ZC3H18: variants seen among roughly 807,000 people sequenced by gnomAD.
ZC3H18 encodes the protein zinc finger CCCH-type containing 18.
Under a neutral mutation model 106.1 loss-of-function variants are expected in ZC3H18, and 8 were observed. The observed-to-expected ratio is 0.08, with a 90% CI of 0.04 to 0.14. ZC3H18 has a LOEUF of 0.14. Ranked by LOEUF, ZC3H18 falls within the 10% of genes least tolerant of loss-of-function variation. The pLI, the probability that ZC3H18 is intolerant of heterozygous loss-of-function variation, is 1.00. For missense variants in ZC3H18, 1,318 were observed against 1,278.4 expected, an observed-to-expected ratio of 1.03 and a Z score of -0.47; for synonymous variants, 635 against 522.1, an observed-to-expected ratio of 1.22 and a Z score of -2.95.
intron 6 of ZC3H18, among the ~76,000 whole-genome samples, chr16:88,603,581 G>T (rs1743387310): frequency 6.7e-6 from 1 of 149,980 alleles, no homozygotes; most frequent in African/African-American, 2.4e-5. Flanking sequence ...CCAAGATCAT[G>T]CCCCTGCACT....
intron 8 of ZC3H18, among the ~76,000 whole-genome samples, chr16:88,617,838 C>T (rs538930135): frequency 9.8e-5 from 15 of 152,386 alleles, no homozygotes; most frequent in Middle Eastern, 3.4e-3. Context: ...CCTGGGCCAC[C>T]GCTTCATGCT....
intron 8 of ZC3H18, among the ~76,000 whole-genome samples, chr16:88,620,007 G>A (rs889834748): frequency 8.5e-5 from 13 of 152,298 alleles, no homozygotes; most frequent in African/African-American, 2.6e-4. Flanking sequence ...TAGCTCTTGG[G>A]GTTTTGGGCT....
chr16:88,594,685 T>C (rs117037472), intron 3 of ZC3H18, among the ~76,000 whole-genome samples: 4,816 of 152,274 alleles, frequency 0.032, 99 homozygotes, highest in Non-Finnish European at 0.048. Flanking sequence ...CCCCAGTATA[T>C]TGATAACTGC....
intron 1 of ZC3H18, among the ~76,000 whole-genome samples, chr16:88,575,854 T>C (rs1391233816): frequency 6.6e-6 from 1 of 151,820 alleles, no homozygotes. Context: ...GCTGGGAATA[T>C]AGGCACGCAC....
chr16:88,583,752 G>C lies in ZC3H18; in HGVS notation c.604-2848G>C, dbSNP rs184460514. On this transcript the variant is annotated intron_variant, in intron 2 of 17. Transcript: ENST00000301011. ...GTGTCTCCTCACACTCACCCTCAGT[G>C]TCCACGTCAACTTGGCCTGTCCCAG... Among the ~76,000 whole-genome samples the C allele has an allele frequency of 3.3e-5, 5 of 152,320 alleles. No individual in the cohort carries two copies. In the East Asian group the frequency reaches 9.6e-4, roughly 29 times the overall value.
rs545485000 is a variant in ZC3H18, at chr16:88,611,363, C to T, written c.1302C>T (p.Arg434=). ...DRERERRQRE[R]ERERERERDK... ...AGCGGGAGCGCCGGCAGAGGGAGCG[C>T]GAGCGAGAGCGGGAGCGCGAGCGCG... Residue 434 remains arginine (R), a synonymous_variant, in exon 8 of 18, where the codon CGC becomes CGT. Coordinates refer to ENST00000301011, the MANE Select transcript of ZC3H18 (RefSeq NM_144604.4). 1.3e-5 allele frequency: 12 copies of T among 943,286 alleles called. No individual in the cohort carries two copies. Among genetic ancestry groups the T allele is most frequent in the South Asian group, 4.2e-5 (3 of 72,038 alleles). 58.4% of individuals were successfully genotyped at this position (943,286 alleles called of 1,614,324 possible).
In ZC3H18 at chr16:88,575,946, G is replaced by T. The variant is rs1430308244; in HGVS notation, c.-14-1164G>T. Among the ~76,000 whole-genome samples the T allele has an allele frequency of 2.0e-5, 3 of 152,220 alleles. 1 individual carries two copies. The highest frequency in any genetic ancestry group is 4.4e-5 in the Non-Finnish European group (3 of 68,046). ...GACGGAGTCTCACTCTGTCGCCCAG[G>T]CTGGAGTGCGGTGGCGCGATCTCAG... is the stretch of plus-strand genomic sequence containing the variant. On this transcript the variant is annotated intron_variant, in intron 1 of 17. Transcript: ENST00000301011.
chr16:88,611,188 G>A (rs1905251737), intron 7 of ZC3H18, 80 bp from the exon 8 acceptor site: 2 of 699,418 alleles, frequency 2.9e-6, no homozygotes, highest in South Asian at 1.7e-5. Flanking sequence ...CAGATCGCGT[G>A]GTGTTGGAGC....
intron 2 of ZC3H18, among the ~76,000 whole-genome samples, chr16:88,584,579 C>T (rs927412810): frequency 8.5e-5 from 13 of 152,172 alleles, no homozygotes. Flanking sequence ...AAGCCCAGCA[C>T]ACCAATATGT....
chr16:88,627,887 G>A lies in ZC3H18; in HGVS notation c.2270-33G>A. 6.2e-7 allele frequency: 1 copy of A among 1,613,566 alleles called. No individual in the cohort carries two copies. Among genetic ancestry groups the A allele is most frequent in the Non-Finnish European group, 8.5e-7 (1 of 1,179,960 alleles). The stretch of plus-strand genomic sequence containing the variant: ...TGGTGTGGCCATGGGAAAATCACCA[G>A]TACCCCCATGACTGCGGATTTATCA... On this transcript the variant is annotated intron_variant, in intron 14 of 17. Transcript: ENST00000301011. The surrounding 1 kb of genome is among the most constrained non-coding windows in gnomAD (Gnocchi z 4.5).
chr16:88,609,644 G>A (rs1424350137), intron 7 of ZC3H18, among the ~76,000 whole-genome samples: 2 of 152,052 alleles, frequency 1.3e-5, no homozygotes, highest in Non-Finnish European at 2.9e-5. Context: ...CTGTCACCCA[G>A]GCTGGAGTTC....
In ZC3H18 at chr16:88,622,258, G is replaced by A; in HGVS notation, c.1537G>A (p.Asp513Asn). Reference sequence around the variant, plus strand: ...CACGGGGCCGCAGGTGAAGAGAGCAGATGAGTGGAAGGACCCTTGGCGCCG... The same window carrying A: ...CACGGGGCCGCAGGTGAAGAGAGCAAATGAGTGGAAGGACCCTTGGCGCCG... Reference protein sequence around the residue: ...ATTGPQVKRADEWKDPWRRSK... With the variant: ...ATTGPQVKRANEWKDPWRRSK... The change falls in exon 9 of 18, where the codon GAT becomes AAT. Residue 513 changes from aspartate (D) to asparagine (N), a missense_variant. By Grantham distance (23) the Asp-to-Asn change is conservative. This residue lies in a region of ZC3H18 where 848 missense variants were observed against 821.7 expected (regional missense o/e 1.03). Transcript: ENST00000301011. 6.2e-7 allele frequency: 1 copy of A among 1,614,194 alleles called. No individual in the cohort carries two copies. Among genetic ancestry groups the A allele is most frequent in the Non-Finnish European group, 8.5e-7 (1 of 1,180,022 alleles).
intron 8 of ZC3H18, among the ~76,000 whole-genome samples, chr16:88,617,719 C>T (rs1905710534): frequency 6.6e-6 from 1 of 152,224 alleles, no homozygotes; most frequent in Non-Finnish European, 1.5e-5. Context: ...AAGCACTCGC[C>T]CCCCAGCACC....
intron 3 of ZC3H18, among the ~76,000 whole-genome samples, chr16:88,587,342 G>C (rs1265012099): frequency 6.6e-6 from 1 of 152,204 alleles, no homozygotes; most frequent in Non-Finnish European, 1.5e-5. Flanking sequence ...ATGGAAATGA[G>C]AATTTCCAAC....
At chr16:88,601,649 C>T (rs543222771) in intron 6 of ZC3H18, among the ~76,000 whole-genome samples, 50 of 152,258 alleles carry the variant, frequency 3.3e-4, no homozygotes, top group African/African-American at 1.1e-3. Context: ...ATCTACACTG[C>T]AGGACCCCCA....
chr16:88,601,007 G>T (rs779589940), intron 6 of ZC3H18, among the ~76,000 whole-genome samples: 16 of 152,212 alleles, frequency 1.1e-4, no homozygotes, highest in Non-Finnish European at 2.1e-4. Context: ...AAAGGAAGGC[G>T]TGCAGGGCTT....
intron 7 of ZC3H18, among the ~76,000 whole-genome samples, chr16:88,609,862 A>G (rs1419488743): frequency 1.3e-5 from 2 of 151,832 alleles, no homozygotes; most frequent in Non-Finnish European, 2.9e-5. Context: ...CAGCCTCCCA[A>G]AGTGCTGGGA....
In ZC3H18 at chr16:88,577,242, G is replaced by A. The variant is rs1914811250; in HGVS notation, c.119G>A (p.Gly40Glu). Reference sequence around the variant, plus strand: ...AGCGGGTCCGATCAGGATTTGGACGGGGCGGGGGTGAGGGCTTCTGATCTG... The same window carrying A: ...AGCGGGTCCGATCAGGATTTGGACGAGGCGGGGGTGAGGGCTTCTGATCTG... ...RDSGSDQDLDGAGVRASDLED... is the reference protein window; with the variant it reads ...RDSGSDQDLDEAGVRASDLED... Residue 40 changes from glycine (G) to glutamate (E), a missense_variant, in exon 2 of 18, where the codon GGG becomes GAG. By Grantham distance (98) the Gly-to-Glu change is moderately conservative. Transcript: ENST00000301011. The A allele has an allele frequency of 6.2e-7, 1 of 1,613,656 alleles. No individual in the cohort carries two copies.
At chr16:88,581,906 C>T (rs896787934) in intron 2 of ZC3H18, among the ~76,000 whole-genome samples, 1 of 152,346 alleles carries the variant, frequency 6.6e-6, no homozygotes, top group South Asian at 2.1e-4. Context: ...TCTGCCCGCT[C>T]TTTTGCTCAC....
Sources: gnomAD v4.1 joint callset for allele counts (sites outside exome capture counted in the v4.1 genomes callset) on GRCh38, gnomAD v4.1.1 for gene constraint, gnomAD v4.1.1 regional missense constraint, Gnocchi (gnomAD v3.1) non-coding constraint, MANE v1.5 for transcripts, NCBI Gene and HGNC (gene_info 2026-07-23, HGNC 2026-07-21) for gene names.